Variants in LOXHD1 observed in about 807,000 individuals in gnomAD.
The protein encoded by LOXHD1 is lipoxygenase homology PLAT domains 1.
In LOXHD1, 205 loss-of-function variants were observed where a neutral mutation model predicts 248.2. The ratio of observed to expected loss-of-function variants is 0.83; its 90% confidence interval spans 0.74 to 0.93. The LOEUF is 0.93. LOXHD1 is among the 40% of genes least tolerant of loss of function. The pLI, the probability that LOXHD1 is intolerant of heterozygous loss-of-function variation, is 0.00. For synonymous variants in LOXHD1, 1,113 were observed against 1,162.8 expected (o/e 0.96, Z 0.87); for missense variants, 2,930 against 2,971.6 (o/e 0.99, Z 0.33).
chr18:46,617,298 A>C (rs1349113112), intron 5 of LOXHD1, among the ~76,000 whole-genome samples: 1 of 152,066 alleles, frequency 6.6e-6, no homozygotes, highest in Non-Finnish European at 1.5e-5. Flanking sequence ...CTATTTTTTC[A>C]CTGAAGATGC....
intron 2 of LOXHD1, among the ~76,000 whole-genome samples, chr18:46,648,396 C>A (rs934526752): frequency 1.3e-5 from 2 of 152,214 alleles, no homozygotes; most frequent in African/African-American, 4.8e-5. Flanking sequence ...TCCCCATGAG[C>A]AGATTAGAAT....
intron 21 of LOXHD1, among the ~76,000 whole-genome samples, chr18:46,554,218 T>A (rs1401431700): frequency 6.6e-6 from 1 of 152,264 alleles, no homozygotes; most frequent in East Asian, 1.9e-4. Context: ...GCTCTTCTGA[T>A]GGAAGGCCCA....
intron 38 of LOXHD1, among the ~76,000 whole-genome samples, chr18:46,486,089 C>G (rs979007521): frequency 6.6e-6 from 1 of 152,072 alleles, no homozygotes; most frequent in Non-Finnish European, 1.5e-5. Flanking sequence ...GCTACCTGAT[C>G]CCCCTAAGCC....
chr18:46,556,376 C>G (rs1568180305), intron 21 of LOXHD1, among the ~76,000 whole-genome samples: 1 of 152,264 alleles, frequency 6.6e-6, no homozygotes, highest in East Asian at 1.9e-4. Context: ...GAAGGTCTGA[C>G]AGGGATTGGA....
intron 37 of LOXHD1, among the ~76,000 whole-genome samples, chr18:46,494,847 C>CTTTTTTTTTTTTTTTTTTTTTTTT (rs1256277774): frequency 5.3e-5 from 6 of 113,420 alleles, no homozygotes; most frequent in Admixed American, 1.9e-4. Flanking sequence ...TTTTCTCTCT[C>CTTTTTTTTTTTTTTTTTTTTTTTT]TCTTTTTTTT....
At chr18:46,507,836 G>T in intron 35 of LOXHD1, 124 bp from the exon 36 acceptor site, 1 of 1,016,468 alleles carries the variant, frequency 9.8e-7, no homozygotes, top group Non-Finnish European at 1.4e-6. Flanking sequence ...ACAAGCGCTT[G>T]CGACTGAGAC....
chr18:46,503,318 A>C (rs1236377088), intron 37 of LOXHD1, among the ~76,000 whole-genome samples: 1 of 152,066 alleles, frequency 6.6e-6, no homozygotes, highest in Non-Finnish European at 1.5e-5. Context: ...GGGTAGACAG[A>C]CCTTGTCCTT....
chr18:46,526,605 G>A (rs545427536), intron 29 of LOXHD1, among the ~76,000 whole-genome samples: 2 of 152,240 alleles, frequency 1.3e-5, no homozygotes, highest in African/African-American at 2.4e-5. Flanking sequence ...ACAGGCCAGT[G>A]GGGGTAGGCC....
Position 46,601,400 on chromosome 18 carries a change from G to A in LOXHD1, c.951C>T (p.Tyr317=), listed in dbSNP as rs2038336180. ...VRGAGTKSKI[Y]LVMYGARGNK... The stretch of plus-strand genomic sequence containing the variant: ...TCCCTCTGGCCCCATACATGACCAA[G>A]TAGATTTTGGATTTGGTACCAGCCC... Residue 317 remains tyrosine (Y), a synonymous_variant, in exon 8 of 41, where the codon TAC becomes TAT. Coordinates refer to ENST00000642948, the MANE Select transcript of LOXHD1 (RefSeq NM_001384474.1). The A allele has an allele frequency of 6.4e-7, 1 of 1,551,710 alleles. No individual in the cohort carries two copies. The highest frequency in any genetic ancestry group is 8.7e-7 in the Non-Finnish European group (1 of 1,146,998).
At chr18:46,593,788 A>C (rs1474844703) in intron 9 of LOXHD1, 28 bp from the exon 10 acceptor site, 2 of 1,550,516 alleles carry the variant, frequency 1.3e-6, no homozygotes, top group African/African-American at 2.7e-5. Flanking sequence ...TTGCACCATA[A>C]ACTTCAGGAA....
intron 14 of LOXHD1, among the ~76,000 whole-genome samples, chr18:46,575,991 C>T (rs951024696): frequency 1.3e-5 from 2 of 152,316 alleles, no homozygotes; most frequent in East Asian, 3.9e-4. Context: ...CTCTCCTCTT[C>T]ATTCCACAGG....
chr18:46,485,304 CGTT>C (rs1179007905), intron 38 of LOXHD1, among the ~76,000 whole-genome samples, 153 bp from the exon 39 acceptor site: 1 of 151,710 alleles, frequency 6.6e-6, no homozygotes, highest in Non-Finnish European at 1.5e-5. Context: ...ACGATTGAGG[CGTT>C]GTAGGTAGAA....
chr18:46,582,824 T>C (rs750710981), intron 12 of LOXHD1, among the ~76,000 whole-genome samples: 14 of 152,146 alleles, frequency 9.2e-5, no homozygotes, highest in Non-Finnish European at 1.3e-4. Flanking sequence ...AATAATAGCT[T>C]GGGACAGCAG....
rs2035763072 is a variant in LOXHD1 at position 46,524,983 on chromosome 18, C to T, written c.4531-66G>A. On this transcript the variant is annotated intron_variant, in intron 29 of 40. Coordinates refer to ENST00000642948, the MANE Select transcript of LOXHD1 (RefSeq NM_001384474.1). ...ACCCACTCAACCCACTCCAGCCCCA[C>T]CCTTCTGGGACCTTCCTTCCCCCTC... is the stretch of plus-strand genomic sequence containing the variant. 2.6e-6 allele frequency: 4 copies of T among 1,519,314 alleles called. No homozygotes were observed. The South Asian group carries it at 4.8e-5, about 18-fold the overall frequency. 94.1% of individuals were successfully genotyped at this position (1,519,314 alleles called of 1,614,324 possible).
rs1434113066 is a variant in LOXHD1 at position 46,524,875 on chromosome 18, A to G, written c.4573T>C (p.Tyr1525His). ...TTGTCATGGCGGAGCTTGATCTTGT[A>G]GATGACGCCTAGGTCAGCGGCCTCG... is the stretch of plus-strand genomic sequence containing the variant. The part of the protein sequence containing the change: ...IIEAADLGVI[Y>H]KIKLRHDNSK... The change falls in exon 30 of 41, where the codon TAC becomes CAC. Residue 1525 changes from tyrosine to histidine, a missense_variant. Transcript: ENST00000642948. 2 of 1,551,726 alleles carry G rather than the reference A, an allele frequency of 1.3e-6. No homozygotes were observed. Among genetic ancestry groups the G allele is most frequent in the Admixed American group, 3.9e-5 (2 of 51,010 alleles).
intron 21 of LOXHD1, among the ~76,000 whole-genome samples, chr18:46,551,647 C>T (rs1347759017): frequency 6.6e-6 from 1 of 152,026 alleles, no homozygotes; most frequent in African/African-American, 2.4e-5. Flanking sequence ...AGCAGGGCCT[C>T]TCAAGCTAGA....
At chr18:46,614,593 T>G (rs2038557959) in intron 5 of LOXHD1, among the ~76,000 whole-genome samples, 1 of 152,038 alleles carries the variant, frequency 6.6e-6, no homozygotes, top group African/African-American at 2.4e-5. Flanking sequence ...TGGGGAGGGA[T>G]AGCATTAGGA....
Position 46,657,173 on chromosome 18 carries a change from T to C in LOXHD1, c.-140A>G. ...GGCCTGGGTGGGCCAGAGTGCCCCG[T>C]TTTCTTGGCTTCCCCGTGCCCAAGG... On this transcript the variant is annotated 5_prime_UTR_variant, in exon 1 of 41. Transcript: ENST00000642948. The C allele has an allele frequency of 7.3e-7, 1 of 1,373,424 alleles. No individual in the cohort carries two copies. The highest frequency in any genetic ancestry group is 2.3e-5 in the Admixed American group (1 of 43,942). The allele number at this position is 1,373,424 out of a possible 1,614,324, so 85.1% of individuals were successfully genotyped here. A position where few individuals can be genotyped will look rare whatever the true frequency, so the allele number is the denominator to read the frequency against.
At position 46,639,792 on chromosome 18, in the gene LOXHD1, T is replaced by G. The variant is rs936329048; in HGVS notation, c.335A>C (p.His112Pro). 17 of 1,551,606 alleles carry G rather than the reference T, an allele frequency of 1.1e-5. No individual in the cohort carries two copies. In the African/African-American group the frequency reaches 2.3e-4, roughly 21 times the overall value. Residue 112 changes from histidine (H) to proline (P), a missense_variant, in exon 4 of 41, where the codon CAT becomes CCT. His to Pro is a moderately conservative substitution (Grantham distance 77, BLOSUM62 -2). Transcript: ENST00000642948. Reference protein sequence around the residue: ...VGLIYKVRIEHDNTGLNASWY... With the variant: ...VGLIYKVRIEPDNTGLNASWY... ...GCTGGCATTCAAGCCCGTGTTGTCA[T>G]GCTCAATCCTGAGGCAGAAGCCAAG...
Sources: gnomAD v4.1 joint callset for allele counts (sites outside exome capture counted in the v4.1 genomes callset) on GRCh38, gnomAD v4.1.1 for gene constraint, MANE v1.5 for transcripts, NCBI Gene and HGNC (gene_info 2026-07-23, HGNC 2026-07-21) for gene names.